Variants in CTNNA3 observed in about 807,000 individuals in gnomAD.
The protein encoded by CTNNA3 is catenin alpha-3.
In CTNNA3, 76 loss-of-function variants were observed where a neutral mutation model predicts 95.7. The observed-to-expected ratio is 0.79, with a 90% CI of 0.66 to 0.96. CTNNA3 has a LOEUF of 0.96. Among genes scored for constraint, CTNNA3 ranks in the 40% least tolerant of loss-of-function variants. The probability of loss-of-function intolerance (pLI) is 0.00; values close to 1 mark genes in which losing one functional copy is unlikely to be tolerated. For missense variants in CTNNA3, 1,191 were observed against 1,089.8 expected (o/e 1.09, Z -1.31); for synonymous variants, 431 against 374.4 (o/e 1.15, Z -1.74).
chr10:67,024,914 T>C (rs1853259703), intron 7 of CTNNA3, among the ~76,000 whole-genome samples: 1 of 151,976 alleles, frequency 6.6e-6, no homozygotes, highest in South Asian at 2.1e-4. Context: ...GCGGATCACC[T>C]GAGGTCCGGA....
intron 9 of CTNNA3, among the ~76,000 whole-genome samples, chr10:66,646,241 G>A (rs1418375230): frequency 1.3e-5 from 2 of 152,126 alleles, no homozygotes; most frequent in South Asian, 2.1e-4. Context: ...AAAAATTGAT[G>A]TGAAAAAATA....
At chr10:67,434,549 A>T (rs1220726103) in intron 5 of CTNNA3, among the ~76,000 whole-genome samples, 1 of 151,624 alleles carries the variant, frequency 6.6e-6, no homozygotes, top group Non-Finnish European at 1.5e-5. Flanking sequence ...GACTATAAAA[A>T]CTCAGGCGGT....
chr10:66,858,048 G>T (rs1465775817), intron 7 of CTNNA3, among the ~76,000 whole-genome samples: 1 of 151,038 alleles, frequency 6.6e-6, no homozygotes, highest in Non-Finnish European at 1.5e-5. Context: ...GATTTTTTTT[G>T]GGCTGTTATT....
chr10:66,332,818 G>T (rs930346616), intron 12 of CTNNA3, among the ~76,000 whole-genome samples: 2 of 152,022 alleles, frequency 1.3e-5, no homozygotes, highest in African/African-American at 4.8e-5. Context: ...GCTCCTCCTT[G>T]TACCTCTGGT....
chr10:67,169,876 G>C (rs1861936964), intron 7 of CTNNA3, among the ~76,000 whole-genome samples: 1 of 152,058 alleles, frequency 6.6e-6, no homozygotes, highest in South Asian at 2.1e-4. Flanking sequence ...TCTGACAAAG[G>C]TCTGATATAA....
intron 7 of CTNNA3, among the ~76,000 whole-genome samples, chr10:66,917,828 T>C: frequency 6.6e-6 from 1 of 152,170 alleles, no homozygotes; most frequent in East Asian, 1.9e-4. Flanking sequence ...TATAGCAAAA[T>C]GTTATGATAC....
chr10:67,739,619 C>A (rs530913034), intron 1 of CTNNA3, among the ~76,000 whole-genome samples: 150 of 151,776 alleles, frequency 9.9e-4, no homozygotes, highest in Non-Finnish European at 1.7e-3. Flanking sequence ...AGGACCTCTT[C>A]AAGGAGAACT....
chr10:67,579,513 T>A (rs1354545483), intron 3 of CTNNA3, among the ~76,000 whole-genome samples: 1 of 152,116 alleles, frequency 6.6e-6, no homozygotes, highest in East Asian at 1.9e-4. Flanking sequence ...ACAATAAACA[T>A]ACGTGTGCAT....
chr10:67,161,992 G>A (rs948588827), intron 7 of CTNNA3, among the ~76,000 whole-genome samples: 14 of 152,114 alleles, frequency 9.2e-5, no homozygotes, highest in South Asian at 4.1e-4. Flanking sequence ...GCCTAAATGC[G>A]CATGTACTTA....
At chr10:66,644,834 ATGT>A (rs1361906325) in intron 9 of CTNNA3, among the ~76,000 whole-genome samples, 40 of 152,216 alleles carry the variant, frequency 2.6e-4, no homozygotes, top group African/African-American at 9.2e-4. Context: ...CGCAGTCAAG[ATGT>A]TGAACAGTTC....
At chr10:66,382,270 G>T (rs1026892878) in intron 11 of CTNNA3, among the ~76,000 whole-genome samples, 1 of 152,178 alleles carries the variant, frequency 6.6e-6, no homozygotes, top group Admixed American at 6.5e-5. Flanking sequence ...AGCAGAAAAG[G>T]TGATTCTCTC....
intron 7 of CTNNA3, among the ~76,000 whole-genome samples, chr10:67,102,044 T>C (rs1858377487): frequency 6.6e-6 from 1 of 151,820 alleles, no homozygotes; most frequent in African/African-American, 2.4e-5. Flanking sequence ...CATCTTATAT[T>C]GGCACAGCTC....
intron 10 of CTNNA3, among the ~76,000 whole-genome samples, chr10:66,583,533 CA>C (rs1231835489): frequency 6.6e-6 from 1 of 151,796 alleles, no homozygotes; most frequent in Non-Finnish European, 1.5e-5. Flanking sequence ...GTAATATCTC[CA>C]TTTTCATTTA....
At position 66,766,360 on chromosome 10, in the gene CTNNA3, A is replaced by T. The variant is rs1187386978; in HGVS notation, c.1185T>A (p.Pro395=). ...TAGCAGCTTCAATGAGAACCAAAAG[A>T]GGGACTGTCGTATCCAGGAAAGAGT... is the stretch of plus-strand genomic sequence containing the variant. ...VSDSFLDTTV[P]LLVLIEAAKN... Residue 395 remains proline (P), a synonymous_variant, in exon 9 of 18, where the codon CCT becomes CCA. Transcript: ENST00000433211. 6.2e-7 allele frequency: 1 copy of T among 1,613,622 alleles called. No homozygotes were observed. Among genetic ancestry groups the T allele is most frequent in the African/African-American group, 1.3e-5 (1 of 74,888 alleles).
At chr10:66,832,648 A>T (rs940699177) in intron 7 of CTNNA3, among the ~76,000 whole-genome samples, 1 of 151,940 alleles carries the variant, frequency 6.6e-6, no homozygotes, top group African/African-American at 2.4e-5. Context: ...AAAAAGGAAG[A>T]AGAAAAGGTT....
chr10:66,792,977 A>C (rs1841038061), intron 7 of CTNNA3, among the ~76,000 whole-genome samples: 1 of 152,134 alleles, frequency 6.6e-6, no homozygotes, highest in African/African-American at 2.4e-5. Flanking sequence ...TATGTACAGA[A>C]ATCACTTTGT....
At chr10:66,681,817 G>A (rs1038672641) in intron 9 of CTNNA3, among the ~76,000 whole-genome samples, 3 of 152,004 alleles carry the variant, frequency 2.0e-5, no homozygotes, top group Admixed American at 2.0e-4. Flanking sequence ...TTCTTTTCAT[G>A]TATACAAGAT....
chr10:66,916,903 T>C (rs547081271), intron 7 of CTNNA3, among the ~76,000 whole-genome samples: 72 of 152,230 alleles, frequency 4.7e-4, no homozygotes, highest in African/African-American at 1.5e-3. Flanking sequence ...CAAAAGGAGA[T>C]TACATCTAAG....
At chr10:65,924,314 C>T (rs754310951) in intron 17 of CTNNA3, among the ~76,000 whole-genome samples, 2 of 152,068 alleles carry the variant, frequency 1.3e-5, no homozygotes, top group Non-Finnish European at 2.9e-5. Flanking sequence ...CTCTCCATAG[C>T]GGGCTGTATA....
Sources: allele counts gnomAD v4.1 joint callset (sites outside exome capture counted in the v4.1 genomes callset), GRCh38; gene constraint gnomAD v4.1.1; transcripts MANE v1.5; gene names NCBI Gene and HGNC (gene_info 2026-07-23, HGNC 2026-07-21).